CGGBP1: variants seen among roughly 807,000 people sequenced by gnomAD.
CGGBP1 encodes CGG triplet repeat binding protein 1.
Under a neutral mutation model 11.4 loss-of-function variants are expected in CGGBP1, and 4 were observed. The ratio of observed to expected loss-of-function variants is 0.35; its 90% CI spans 0.17 to 0.80. The LOEUF (loss-of-function observed/expected upper bound fraction) is 0.80. CGGBP1 is among the 30% of genes least tolerant of loss of function. The probability of loss-of-function intolerance (pLI) is 0.52; values close to 1 mark genes in which losing one functional copy is unlikely to be tolerated. For synonymous variants in CGGBP1, 76 were observed against 74.1 expected (o/e 1.03, Z -0.13); for missense variants, 135 against 202.1 (o/e 0.67, Z 2.01).
At chr3:88,108,591 G>A (rs1438412736) in intron 2 of CGGBP1, among the ~76,000 whole-genome samples, 2 of 152,060 alleles carry the variant, frequency 1.3e-5, no homozygotes, top group African/African-American at 2.4e-5. Flanking sequence ...CAACTAGGAT[G>A]TGCATTATCC....
chr3:88,148,560 C>A (rs1271938568), intron 1 of CGGBP1, among the ~76,000 whole-genome samples: 1 of 152,152 alleles, frequency 6.6e-6, no homozygotes, highest in African/African-American at 2.4e-5. Context: ...AAATGGTACC[C>A]CAATAACATC....
upstream of CGGBP1, among the ~76,000 whole-genome samples, chr3:88,063,351 A>T (rs765479742): frequency 5.9e-5 from 9 of 152,144 alleles, no homozygotes; most frequent in Non-Finnish European, 1.2e-4. Flanking sequence ...ATCCTCAAAT[A>T]GTTTTTAAGT....
chr3:88,077,197 T>G (rs1397210520), intron 2 of CGGBP1, among the ~76,000 whole-genome samples: 2 of 152,160 alleles, frequency 1.3e-5, no homozygotes, highest in Non-Finnish European at 2.9e-5. Context: ...GGAGGAGGAT[T>G]GTGAATGAAT....
intron 2 of CGGBP1, among the ~76,000 whole-genome samples, chr3:88,067,515 G>A (rs116061313): frequency 1.6e-4 from 25 of 152,300 alleles, no homozygotes; most frequent in African/African-American, 5.8e-4. Flanking sequence ...AGCTTGAGGA[G>A]CCTCAAAATT....
chr3:88,086,951 T>G (rs1487629994), intron 2 of CGGBP1, among the ~76,000 whole-genome samples: 1 of 151,932 alleles, frequency 6.6e-6, no homozygotes, highest in Non-Finnish European at 1.5e-5. Context: ...CCTGGCTAAT[T>G]TTTTGTATTT....
intron 2 of CGGBP1, among the ~76,000 whole-genome samples, chr3:88,096,629 A>T (rs1704077342): frequency 6.6e-6 from 1 of 152,098 alleles, no homozygotes; most frequent in African/African-American, 2.4e-5. Flanking sequence ...TTTTCTTCTG[A>T]TGAAAAATCT....
intron 2 of CGGBP1, among the ~76,000 whole-genome samples, chr3:88,113,602 T>C (rs1027967718): frequency 4.6e-5 from 7 of 152,086 alleles, no homozygotes; most frequent in African/African-American, 1.7e-4. Context: ...TTTTTTTTTA[T>C]TTTTGGGCAC....
chr3:88,083,803 A>G (rs1484737396), intron 2 of CGGBP1, among the ~76,000 whole-genome samples: 1 of 152,142 alleles, frequency 6.6e-6, no homozygotes, highest in Non-Finnish European at 1.5e-5. Context: ...TAGAATACCA[A>G]AAAAGAAAAA....
In CGGBP1 at chr3:88,091,528, A is replaced by G. The variant is rs1708629632; in HGVS notation, c.-228-33305T>C. Among the ~76,000 whole-genome samples, 3 of 152,116 alleles carry G rather than the reference A, an allele frequency of 2.0e-5. No homozygotes were observed. In the South Asian group the frequency reaches 6.2e-4, roughly 31 times the overall value. On this transcript the variant is annotated intron_variant, in intron 2 of 3. Coordinates refer to the CGGBP1 transcript ENST00000462901. Reference sequence around the variant, plus strand: ...TGTGAAAATTCTTATACAACTTTCAAAAGTTCTTTGGTTTAAAATGTCATT... The same window carrying G: ...TGTGAAAATTCTTATACAACTTTCAGAAGTTCTTTGGTTTAAAATGTCATT...
At chr3:88,143,919 T>C (rs551431283) in intron 1 of CGGBP1, 1 of 152,174 alleles carries the variant, frequency 6.6e-6, no homozygotes, top group South Asian at 2.1e-4. Flanking sequence ...ATTTTGCTTT[T>C]ATAGGGTGCA....
chr3:88,122,163 G>T (rs1367438885), intron 2 of CGGBP1, among the ~76,000 whole-genome samples: 1 of 152,146 alleles, frequency 6.6e-6, no homozygotes, highest in African/African-American at 2.4e-5. Context: ...GTGGGATTGT[G>T]TAAAGATAGG....
At chr3:88,085,790 T>G (rs1310985345) in intron 2 of CGGBP1, among the ~76,000 whole-genome samples, 2 of 152,186 alleles carry the variant, frequency 1.3e-5, no homozygotes, top group African/African-American at 4.8e-5. Context: ...GGTTAAATAT[T>G]CATAATCAGT....
chr3:88,116,603 G>C (rs1234370383), intron 2 of CGGBP1, among the ~76,000 whole-genome samples: 2 of 148,822 alleles, frequency 1.3e-5, no homozygotes, highest in Non-Finnish European at 3.0e-5. Flanking sequence ...ATATATGTGT[G>C]TATATATGTT....
intron 2 of CGGBP1, among the ~76,000 whole-genome samples, chr3:88,134,788 T>G (rs1327793695): frequency 1.3e-5 from 2 of 152,074 alleles, no homozygotes; most frequent in Non-Finnish European, 2.9e-5. Flanking sequence ...TTAGAATTTC[T>G]GTTTTGATCT....
At chr3:88,073,833 A>G (rs1415162963) in intron 2 of CGGBP1, among the ~76,000 whole-genome samples, 1 of 152,174 alleles carries the variant, frequency 6.6e-6, no homozygotes, top group African/African-American at 2.4e-5. Flanking sequence ...ATTTATCCCT[A>G]TTTAATAAGA....
chr3:88,063,081 C>A (rs943271161), upstream of CGGBP1, among the ~76,000 whole-genome samples: 1 of 151,982 alleles, frequency 6.6e-6, no homozygotes, highest in African/African-American at 2.4e-5. Flanking sequence ...ATTTTGTTTC[C>A]CTTAGGAGAC....
At position 88,053,278 on chromosome 3, in the gene CGGBP1, CA is replaced by C; in HGVS notation, c.*2194del. 6.6e-6 allele frequency: 1 copy of C among 152,026 alleles called. No individual in the cohort carries two copies. Among genetic ancestry groups the C allele is most frequent in the East Asian group, 1.9e-4 (1 of 5,192 alleles). The allele number at this position is 152,026 out of a possible 1,614,324, so 9.4% of individuals were successfully genotyped here. ...GACACAGTTAACTAGCTTCAGGGAA[CA>C]AAAGTTCCATAATCAATGAAGAAAC... is the stretch of plus-strand genomic sequence containing the variant. On this transcript the variant is annotated 3_prime_UTR_variant, in exon 4 of 4. Coordinates refer to ENST00000482016, the MANE Select transcript of CGGBP1 (RefSeq NM_001008390.2).
intron 2 of CGGBP1, chr3:88,140,517 G>C (rs766707695): frequency 1.4e-5 from 22 of 1,613,614 alleles, no homozygotes; most frequent in Non-Finnish European, 1.9e-5. Flanking sequence ...TGATGACACT[G>C]TTTCAAATAT....
intron 1 of CGGBP1, among the ~76,000 whole-genome samples, chr3:88,147,157 C>T (rs1559743874): frequency 6.6e-6 from 1 of 152,184 alleles, no homozygotes; most frequent in Non-Finnish European, 1.5e-5. Flanking sequence ...AGACAAAAAT[C>T]CTGGCATCAC....
Sources: gnomAD v4.1 joint callset for allele counts (sites outside exome capture counted in the v4.1 genomes callset) on GRCh38, gnomAD v4.1.1 for gene constraint, MANE v1.5 for transcripts, NCBI Gene and HGNC (gene_info 2026-07-23, HGNC 2026-07-21) for gene names.